The following BAG1 variants were observed in gnomAD, a reference collection of about 807,000 sequenced individuals.
The protein encoded by BAG1 is BAG cochaperone 1.
BAG1 carries 35 observed loss-of-function variants against 35.5 expected under a neutral mutation model. That is an observed-to-expected ratio of 0.99 (90% CI 0.75 to 1.31). The LOEUF (loss-of-function observed/expected upper bound fraction) is 1.31. Among genes scored for constraint, BAG1 ranks in the 50% most tolerant of loss-of-function variants. BAG1 has a pLI of 0.00. For synonymous variants in BAG1, 191 were observed against 178.9 expected (o/e 1.07, Z -0.54); for missense variants, 464 against 453.6 (o/e 1.02, Z -0.21).
chr9:33,262,291 C>T, intron 2 of BAG1: 2 of 1,255,932 alleles, frequency 1.6e-6, no homozygotes. Flanking sequence ...AGTTTGAAAA[C>T]AGAGTGACTA....
intron 2 of BAG1, 37 bp downstream of exon 2, chr9:33,262,665 A>G: frequency 6.4e-7 from 1 of 1,560,370 alleles, no homozygotes; most frequent in South Asian, 1.2e-5. Context: ...CTCAAAAAAA[A>G]AAAAAGAAAA....
At chr9:33,262,112 G>A in intron 2 of BAG1, 5 of 1,289,366 alleles carry the variant, frequency 3.9e-6, no homozygotes, top group Non-Finnish European at 5.1e-6. Flanking sequence ...AACCTAGCGA[G>A]GGAAGACTGC....
Position 33,255,880 on chromosome 9 carries a change from C to G in BAG1, c.933G>C (p.Leu311Phe), listed in dbSNP as rs1210576608. The G allele has an allele frequency of 6.2e-7, 1 of 1,613,874 alleles. No homozygotes were observed. The highest frequency in any genetic ancestry group is 8.5e-7 in the Non-Finnish European group (1 of 1,179,868). ...CACAACTCACCTGAACCTTTTTTAC[C>G]AAGCCTTTCCTTTTCAATCTACTGT... is the stretch of plus-strand genomic sequence containing the variant. Residue 311 changes from leucine to phenylalanine, a missense_variant, in exon 6 of 7, where the codon TTG becomes TTC. Physicochemically the swap from Leu to Phe is conservative, Grantham distance 22. Transcript: ENST00000634734.
At chr9:33,259,910 T>C (rs991275377) in intron 3 of BAG1, 1 of 152,282 alleles carries the variant, frequency 6.6e-6, no homozygotes, top group Non-Finnish European at 1.5e-5. Context: ...GAAGTACTGC[T>C]GTTTTACAGA....
intron 1 of BAG1, 44 bp from the exon 2 acceptor site, chr9:33,262,874 T>A: frequency 6.2e-7 from 1 of 1,607,756 alleles, no homozygotes; most frequent in African/African-American, 1.3e-5. Context: ...TTCTTTCACA[T>A]ACACCAATAT....
At chr9:33,260,788 G>C (rs1820552256) in intron 3 of BAG1, among the ~76,000 whole-genome samples, 1 of 152,188 alleles carries the variant, frequency 6.6e-6, no homozygotes, top group Admixed American at 6.5e-5. Context: ...AAGTGAATGA[G>C]ACCTGTCCCA....
At chr9:33,263,560 T>C (rs1399457368) in intron 1 of BAG1, among the ~76,000 whole-genome samples, 2 of 147,206 alleles carry the variant, frequency 1.4e-5, no homozygotes, top group Admixed American at 1.4e-4. Flanking sequence ...GGTTACCAAA[T>C]CTACTTCACA....
intron 2 of BAG1, chr9:33,261,787 T>C: frequency 1.3e-6 from 1 of 797,360 alleles, no homozygotes; most frequent in Non-Finnish European, 1.5e-6. Context: ...GATACCAGAA[T>C]GATAGATTCT....
At chr9:33,255,485 G>C (rs11789000) in intron 6 of BAG1, among the ~76,000 whole-genome samples, 177 bp from the exon 7 acceptor site, 12,727 of 152,300 alleles carry the variant, frequency 0.084, 594 homozygotes, top group African/African-American at 0.13. Flanking sequence ...AGGGAGCATA[G>C]GACCAGCATT....
rs748798753 is a variant in BAG1 at position 33,255,910 on chromosome 9, G to A, written c.903C>T (p.Phe301=). The A allele has an allele frequency of 1.1e-5, 17 of 1,613,836 alleles. No individual in the cohort carries two copies. Among genetic ancestry groups the A allele is most frequent in the Non-Finnish European group, 1.4e-5 (17 of 1,179,768 alleles). ...CTTTCCTTTTCAATCTACTGTCTTT[G>A]AAATTTTCTGGCAGGATCTATGGAA... The change falls in exon 6 of 7, where the codon TTC becomes TTT. Residue 301 remains phenylalanine, a synonymous_variant. Coordinates refer to ENST00000634734, the MANE Select transcript of BAG1 (RefSeq NM_004323.6).
rs41274027 is a variant in BAG1 at position 33,255,045 on chromosome 9, T to C, written c.*174A>G. ...AGAAGGAGAAAACAGATAGGAGCTTTACTCAAAATCACAAAGACACTATTT... is the reference window on the plus strand; with the variant it reads ...AGAAGGAGAAAACAGATAGGAGCTTCACTCAAAATCACAAAGACACTATTT... On this transcript the variant is annotated 3_prime_UTR_variant, in exon 7 of 7. Coordinates refer to ENST00000634734, the MANE Select transcript of BAG1 (RefSeq NM_004323.6). 6.5e-7 allele frequency: 1 copy of C among 1,546,668 alleles called. No homozygotes were observed. Among genetic ancestry groups the C allele is most frequent in the Non-Finnish European group, 8.7e-7 (1 of 1,143,502 alleles).
chr9:33,256,947 G>A, intron 4 of BAG1, 39 bp from the exon 5 acceptor site: 1 of 1,516,674 alleles, frequency 6.6e-7, no homozygotes, highest in Non-Finnish European at 9.2e-7. Flanking sequence ...GGTTCTCTGA[G>A]GCTGACGGAA....
Position 33,264,609 on chromosome 9 carries a change from GCGCAGCCGGGAACCCAGC to G in BAG1, c.48_65del (p.Leu17_Arg22del). The G allele has an allele frequency of 7.3e-7, 1 of 1,373,390 alleles. No homozygotes were observed. The highest frequency in any genetic ancestry group is 9.3e-7 in the Non-Finnish European group (1 of 1,073,118). 85.1% of individuals were successfully genotyped at this position (1,373,390 alleles called of 1,614,324 possible). On this transcript the variant is annotated inframe_deletion, in exon 1 of 7. Coordinates refer to ENST00000634734, the MANE Select transcript of BAG1 (RefSeq NM_004323.6). ...GCGGCTCCCGGCCTGGCCGAAGGGC[GCGCAGCCGGGAACCCAGC>G]CGCTCCCGGTCGCCTCGCGGTCTCC...
At chr9:33,258,480 C>T (rs987778715) in intron 4 of BAG1, among the ~76,000 whole-genome samples, 9 of 152,226 alleles carry the variant, frequency 5.9e-5, no homozygotes, top group Non-Finnish European at 8.8e-5. Context: ...CTATCATGTT[C>T]AACTTGGACC....
chr9:33,264,639 G>A lies in BAG1; in HGVS notation c.36C>T (p.Gly12=). The stretch of plus-strand genomic sequence containing the variant: ...GCCGGGAACCCAGCCGCTCCCGGTC[G>A]CCTCGCGGTCTCCGCGCCCCCCCGC... The change falls in exon 1 of 7, where the codon GGC becomes GGT. Residue 12 remains glycine (G), a synonymous_variant. Coordinates refer to ENST00000634734, the MANE Select transcript of BAG1 (RefSeq NM_004323.6). 3.7e-6 allele frequency: 5 copies of A among 1,346,262 alleles called. No homozygotes were observed. Among genetic ancestry groups the A allele is most frequent in the Non-Finnish European group, 4.7e-6 (5 of 1,057,458 alleles). 83.4% of individuals were successfully genotyped at this position (1,346,262 alleles called of 1,614,324 possible).
chr9:33,262,260 CAAAT>C, intron 2 of BAG1: 1 of 1,260,340 alleles, frequency 7.9e-7, no homozygotes, highest in Non-Finnish European at 1.0e-6. Context: ...AATGAATAAA[CAAAT>C]AAATAAAAAT....
chr9:33,262,391 T>C, intron 2 of BAG1: 1 of 1,086,736 alleles, frequency 9.2e-7, no homozygotes, highest in Non-Finnish European at 1.2e-6. Context: ...GTGCAGTGGC[T>C]CACACCTGTA....
rs1477554494 is a variant in BAG1, at chr9:33,253,433, A to C, written c.*1786T>G. The C allele has an allele frequency of 6.6e-6, 1 of 152,230 alleles. No homozygotes were observed. Among genetic ancestry groups the C allele is most frequent in the Non-Finnish European group, 1.5e-5 (1 of 68,048 alleles). 9.4% of individuals were successfully genotyped at this position (152,230 alleles called of 1,614,324 possible). A position where few individuals can be genotyped will look rare whatever the true frequency, so the allele number is the denominator to read the frequency against. On this transcript the variant is annotated 3_prime_UTR_variant, in exon 7 of 7. Transcript: ENST00000634734. Reference sequence around the variant, plus strand: ...TGACTAATATATATGAATAGTTTAGAATGGTGTTCGGCAGTTTGGTGCACA... The same window carrying C: ...TGACTAATATATATGAATAGTTTAGCATGGTGTTCGGCAGTTTGGTGCACA...
rs549431003 is a variant in BAG1 at position 33,252,721 on chromosome 9, G to T, written c.*2498C>A. The T allele has an allele frequency of 2.0e-5, 3 of 152,224 alleles. No individual in the cohort carries two copies. The South Asian group carries it at 6.2e-4, about 32-fold the overall frequency. The allele number at this position is 152,224 out of a possible 1,614,324, so 9.4% of individuals were successfully genotyped here. On this transcript the variant is annotated 3_prime_UTR_variant, in exon 7 of 7. Transcript: ENST00000634734. ...GTAAACTATCATGGACTATGTAAAT[G>T]CTGTGAAAGAAATGTATGGGAAGTC...
Sources: allele counts gnomAD v4.1 joint callset (sites outside exome capture counted in the v4.1 genomes callset), GRCh38; gene constraint gnomAD v4.1.1; transcripts MANE v1.5; gene names NCBI Gene and HGNC (gene_info 2026-07-23, HGNC 2026-07-21).